The following CHST11 variants were observed in gnomAD, a reference collection of about 807,000 sequenced individuals.
CHST11 encodes C4S-1.
A neutral mutation model predicts 30.4 loss-of-function variants in CHST11; 9 were observed. The ratio of observed to expected loss-of-function variants is 0.30; its 90% CI spans 0.18 to 0.52. The LOEUF (loss-of-function observed/expected upper bound fraction) is 0.52, where lower values mean the gene tolerates loss of function less well. Among genes scored for constraint, CHST11 ranks in the 20% least tolerant of loss-of-function variants. CHST11 has a pLI of 0.97. For synonymous variants in CHST11, 152 were observed against 187.8 expected, an observed-to-expected ratio of 0.81 and a Z score of 1.56; for missense variants, 348 against 460.6, an observed-to-expected ratio of 0.76 and a Z score of 2.24.
chr12:104,527,981 C>T (rs1474166520), intron 1 of CHST11, among the ~76,000 whole-genome samples: 1 of 152,148 alleles, frequency 6.6e-6, no homozygotes, highest in Non-Finnish European at 1.5e-5. Flanking sequence ...GGAAACCACC[C>T]CCATGATCCA....
chr12:104,665,876 G>T (rs1430575759), intron 2 of CHST11, among the ~76,000 whole-genome samples: 1 of 136,548 alleles, frequency 7.3e-6, no homozygotes, highest in Non-Finnish European at 1.5e-5. Flanking sequence ...CTGGACCGCA[G>T]TGGCGCGATC....
intron 2 of CHST11, among the ~76,000 whole-genome samples, chr12:104,755,636 ATCAG>A (rs924010571): frequency 6.6e-6 from 1 of 151,994 alleles, no homozygotes; most frequent in African/African-American, 2.4e-5. Flanking sequence ...AAATACAAAA[ATCAG>A]CAGGGCATGG....
intron 1 of CHST11, among the ~76,000 whole-genome samples, chr12:104,481,381 G>A (rs1435974537): frequency 1.3e-5 from 2 of 152,014 alleles, no homozygotes; most frequent in African/African-American, 4.8e-5. Flanking sequence ...TTGCTTCCTC[G>A]TATTGGCCTT....
At chr12:104,639,548 A>C (rs2039355957) in intron 2 of CHST11, among the ~76,000 whole-genome samples, 1 of 152,212 alleles carries the variant, frequency 6.6e-6, no homozygotes, top group Non-Finnish European at 1.5e-5. Flanking sequence ...TGCCTTCCCA[A>C]AGATGGGATT....
At chr12:104,548,224 G>A (rs2038370274) in intron 1 of CHST11, among the ~76,000 whole-genome samples, 3 of 152,240 alleles carry the variant, frequency 2.0e-5, no homozygotes, top group African/African-American at 7.2e-5. Flanking sequence ...AGTGGTTTAT[G>A]ATAGGAAGAT....
intron 2 of CHST11, among the ~76,000 whole-genome samples, chr12:104,651,393 C>T (rs888689169): frequency 2.0e-5 from 3 of 152,228 alleles, no homozygotes; most frequent in Non-Finnish European, 4.4e-5. Flanking sequence ...AACACCTACT[C>T]TGTTGGAGGT....
chr12:104,579,479 G>A (rs1261093789), intron 1 of CHST11, among the ~76,000 whole-genome samples: 1 of 152,210 alleles, frequency 6.6e-6, no homozygotes, highest in Non-Finnish European at 1.5e-5. Flanking sequence ...TCTTTAAAAT[G>A]AGGGACACTG....
chr12:104,654,409 A>G (rs1012943522), intron 2 of CHST11, among the ~76,000 whole-genome samples: 2 of 152,164 alleles, frequency 1.3e-5, no homozygotes, highest in African/African-American at 4.8e-5. Flanking sequence ...GATGAGATCC[A>G]CAGAAAGACA....
intron 2 of CHST11, among the ~76,000 whole-genome samples, chr12:104,616,914 C>T (rs907765800): frequency 6.6e-6 from 1 of 151,226 alleles, no homozygotes; most frequent in Non-Finnish European, 1.5e-5. Context: ...ATTGCTGAGA[C>T]GGGACACCAG....
At chr12:104,485,647 C>T (rs1382468583) in intron 1 of CHST11, among the ~76,000 whole-genome samples, 1 of 152,222 alleles carries the variant, frequency 6.6e-6, no homozygotes, top group African/African-American at 2.4e-5. Context: ...TAGACTGACT[C>T]GGGCACTTCT....
At chr12:104,682,961 A>G (rs2039812385) in intron 2 of CHST11, among the ~76,000 whole-genome samples, 1 of 152,244 alleles carries the variant, frequency 6.6e-6, no homozygotes, top group African/African-American at 2.4e-5. Flanking sequence ...AGACTTGTCT[A>G]ATAGGGGTAA....
At chr12:104,590,959 A>G (rs971152910) in intron 1 of CHST11, among the ~76,000 whole-genome samples, 1 of 152,060 alleles carries the variant, frequency 6.6e-6, no homozygotes, top group Non-Finnish European at 1.5e-5. Context: ...TGGGAGGAAC[A>G]GGAGAGAGAG....
chr12:104,674,100 CT>C lies in CHST11; in HGVS notation c.204+72110del, dbSNP rs556737400. 1.2e-3 allele frequency among the ~76,000 whole-genome samples: 190 copies of C among 152,342 alleles called. 1 individual carries two copies. Among genetic ancestry groups the C allele is most frequent in the African/African-American group, 4.3e-3 (179 of 41,576 alleles). ...CACAGATAAGGCTGTACATTTCAGA[CT>C]GCGGTCCCAGAGCAGGATTTTTTTG... On this transcript the variant is annotated intron_variant, in intron 2 of 2. Transcript: ENST00000303694.
chr12:104,728,654 C>G (rs2040233812), intron 2 of CHST11, among the ~76,000 whole-genome samples: 1 of 152,172 alleles, frequency 6.6e-6, no homozygotes, highest in African/African-American at 2.4e-5. Context: ...CAAGAAAACA[C>G]TGGGGACCCT....
chr12:104,513,400 G>A (rs1427720444), intron 1 of CHST11, among the ~76,000 whole-genome samples: 1 of 152,090 alleles, frequency 6.6e-6, no homozygotes, highest in Admixed American at 6.5e-5. Flanking sequence ...GTTTGCATTT[G>A]GTTTGAGTGT....
intron 1 of CHST11, among the ~76,000 whole-genome samples, chr12:104,572,493 T>A (rs997747763): frequency 6.6e-6 from 1 of 152,256 alleles, no homozygotes; most frequent in Non-Finnish European, 1.5e-5. Context: ...ATTTCTAGTT[T>A]ACTTGCATAG....
At chr12:104,471,077 G>A (rs932971354) in intron 1 of CHST11, among the ~76,000 whole-genome samples, 18 of 152,132 alleles carry the variant, frequency 1.2e-4, no homozygotes, top group African/African-American at 4.3e-4. Flanking sequence ...ACCTTGGGTC[G>A]AAGTCTAGTT....
At chr12:104,725,088 A>T (rs895789752) in intron 2 of CHST11, among the ~76,000 whole-genome samples, 2 of 152,182 alleles carry the variant, frequency 1.3e-5, no homozygotes, top group African/African-American at 4.8e-5. Context: ...CAGCGCCCCC[A>T]TTTTGTAGCC....
chr12:104,601,778 C>T, intron 1 of CHST11, 128 bp from the exon 2 acceptor site: 2 of 689,330 alleles, frequency 2.9e-6, no homozygotes, highest in South Asian at 3.8e-5. Context: ...TGGAAATCTT[C>T]CTTTGCTAGA....
Sources: allele counts gnomAD v4.1 joint callset (sites outside exome capture counted in the v4.1 genomes callset), GRCh38; gene constraint gnomAD v4.1.1; transcripts MANE v1.5; gene names NCBI Gene and HGNC (gene_info 2026-07-23, HGNC 2026-07-21).